Variants in DLGAP2 observed in about 807,000 individuals in gnomAD.
DLGAP2 encodes DLG associated protein 2.
In DLGAP2, 26 loss-of-function variants were observed where a neutral mutation model predicts 100.3. The observed-to-expected ratio is 0.26, with a 90% CI of 0.19 to 0.36. The LOEUF (loss-of-function observed/expected upper bound fraction) is 0.36. Ranked by LOEUF, DLGAP2 falls within the 10% of genes least tolerant of loss-of-function variation. DLGAP2 has a pLI of 1.00. For missense variants in DLGAP2, 1,858 were observed against 1,453.2 expected, an observed-to-expected ratio of 1.28 and a Z score of -4.53; for synonymous variants, 886 against 630.1, an observed-to-expected ratio of 1.41 and a Z score of -6.08.
chr8:918,312 G>A (rs996334242), intron 2 of DLGAP2, among the ~76,000 whole-genome samples: 3 of 152,196 alleles, frequency 2.0e-5, no homozygotes, highest in Non-Finnish European at 4.4e-5. Context: ...GCCAGTCAAG[G>A]CCCCTTAAAA....
At chr8:1,672,136 G>A (rs1053425028) in intron 10 of DLGAP2, among the ~76,000 whole-genome samples, 1 of 152,152 alleles carries the variant, frequency 6.6e-6, no homozygotes, top group Non-Finnish European at 1.5e-5. Flanking sequence ...CGGAGGCCTG[G>A]TCTAACATTC....
At chr8:1,342,129 A>T (rs1312219248) in intron 3 of DLGAP2, among the ~76,000 whole-genome samples, 1 of 151,916 alleles carries the variant, frequency 6.6e-6, no homozygotes, top group Admixed American at 6.6e-5. Flanking sequence ...TTTTCTGTAC[A>T]GATGGGGTTT....
intron 4 of DLGAP2, among the ~76,000 whole-genome samples, chr8:1,501,909 TC>T (rs1254214572): frequency 7.2e-5 from 11 of 152,144 alleles, no homozygotes; most frequent in Non-Finnish European, 1.6e-4. Context: ...CGACACACTT[TC>T]CCCGATGCTG....
At position 1,098,088 on chromosome 8, in the gene DLGAP2, C is replaced by G. The variant is rs144169582; in HGVS notation, c.74-160763C>G. Among the ~76,000 whole-genome samples the G allele has an allele frequency of 2.3e-3, 355 of 152,388 alleles. 2 individuals carry two copies. The highest frequency in any genetic ancestry group is 8.0e-3 in the African/African-American group (333 of 41,596). On this transcript the variant is annotated intron_variant, in intron 2 of 14. Coordinates refer to ENST00000637795, the MANE Select transcript of DLGAP2 (RefSeq NM_001346810.2). The stretch of plus-strand genomic sequence containing the variant: ...AACTGCCGTGAGTTATATTTCCTTG[C>G]AACGCAATTCTGCTCTCAGCAAACG...
intron 2 of DLGAP2, among the ~76,000 whole-genome samples, chr8:1,203,168 T>G (rs928501546): frequency 3.3e-5 from 5 of 152,188 alleles, no homozygotes; most frequent in African/African-American, 9.6e-5. Context: ...GTTATTCCTA[T>G]TAACACGATG....
intron 3 of DLGAP2, among the ~76,000 whole-genome samples, chr8:1,457,380 C>CT (rs1302880849): frequency 2.0e-5 from 3 of 152,154 alleles, no homozygotes; most frequent in Admixed American, 6.5e-5. Context: ...AAATGAAACT[C>CT]TGAGTTTTCC....
intron 2 of DLGAP2, among the ~76,000 whole-genome samples, chr8:1,046,212 A>G (rs1219924244): frequency 6.6e-6 from 1 of 152,132 alleles, no homozygotes; most frequent in East Asian, 1.9e-4. Context: ...TACTGCCTTC[A>G]TTTTTGTTCT....
At chr8:1,577,286 G>A (rs548806195) in intron 6 of DLGAP2, among the ~76,000 whole-genome samples, 1 of 152,130 alleles carries the variant, frequency 6.6e-6, no homozygotes, top group African/African-American at 2.4e-5. Context: ...ATTTTTTAAG[G>A]GGCTGGGCGC....
chr8:1,527,564 G>C (rs114341764), intron 4 of DLGAP2, among the ~76,000 whole-genome samples: 1 of 152,252 alleles, frequency 6.6e-6, no homozygotes, highest in South Asian at 2.1e-4. Flanking sequence ...GTAAATTCCA[G>C]TGCATTTCTG....
chr8:1,580,604 A>T (rs1234573512), intron 6 of DLGAP2, among the ~76,000 whole-genome samples: 1 of 152,230 alleles, frequency 6.6e-6, no homozygotes, highest in Non-Finnish European at 1.5e-5. Flanking sequence ...TTAGAAAGAT[A>T]GATCACATCA....
chr8:1,700,229 A>C lies in DLGAP2; in HGVS notation c.2950-959A>C, dbSNP rs557782432. Among the ~76,000 whole-genome samples the C allele has an allele frequency of 2.0e-5, 3 of 152,330 alleles. No individual in the cohort carries two copies. In the South Asian group the frequency reaches 6.2e-4, roughly 32 times the overall value. On this transcript the variant is annotated intron_variant, in intron 14 of 14. Transcript: ENST00000637795. The stretch of plus-strand genomic sequence containing the variant: ...TGGAATTTTTCAGAGGCTGAAGAGA[A>C]AAAGACATGAGTGGAGTTTTCCTGT...
chr8:1,180,699 AGTGTGT>A (rs757515641), intron 2 of DLGAP2, among the ~76,000 whole-genome samples: 8 of 150,300 alleles, frequency 5.3e-5, no homozygotes, highest in Non-Finnish European at 8.9e-5. Flanking sequence ...ATTACCGTCG[AGTGTGT>A]GTGGGTGTGC....
At chr8:1,563,371 G>A (rs182715550) in intron 5 of DLGAP2, among the ~76,000 whole-genome samples, 1 of 36,874 alleles carries the variant, frequency 2.7e-5, no homozygotes, top group African/African-American at 1.0e-4. Flanking sequence ...TTACTGGGGG[G>A]CTGTGTGGTG....
chr8:1,318,598 C>G (rs1041134614), intron 3 of DLGAP2, among the ~76,000 whole-genome samples: 1 of 151,620 alleles, frequency 6.6e-6, no homozygotes, highest in African/African-American at 2.4e-5. Flanking sequence ...GGAACAGATT[C>G]CCCCGCCGAT....
chr8:1,151,346 C>CA (rs1213949291), intron 2 of DLGAP2, among the ~76,000 whole-genome samples: 2 of 152,152 alleles, frequency 1.3e-5, no homozygotes, highest in Non-Finnish European at 2.9e-5. Context: ...GTGAAAAACT[C>CA]AGAGGAGCAG....
intron 1 of DLGAP2, among the ~76,000 whole-genome samples, chr8:872,545 T>C (rs886557593): frequency 1.3e-5 from 2 of 152,104 alleles, no homozygotes; most frequent in South Asian, 4.1e-4. Context: ...TTGGCCAGGC[T>C]GGTCTCAAAC....
At chr8:1,153,644 C>T (rs937396616) in intron 2 of DLGAP2, among the ~76,000 whole-genome samples, 4 of 152,118 alleles carry the variant, frequency 2.6e-5, no homozygotes, top group South Asian at 2.1e-4. Flanking sequence ...TTTTCACAGG[C>T]GTATCAGAAT....
At position 1,384,268 on chromosome 8, in the gene DLGAP2, G is replaced by T. The variant is rs562161070; in HGVS notation, c.107-117098G>T. ...AAAAAGCAAGAATTGTGACTGCACA[G>T]TCGCTGCACTCTCCTCTGCCGTGGC... On this transcript the variant is annotated intron_variant, in intron 3 of 14. Coordinates refer to ENST00000637795, the MANE Select transcript of DLGAP2 (RefSeq NM_001346810.2). Among the ~76,000 whole-genome samples, 6 of 152,374 alleles carry T rather than the reference G, an allele frequency of 3.9e-5. No individual in the cohort carries two copies. In the South Asian group the frequency reaches 1.2e-3, roughly 32 times the overall value.
intron 1 of DLGAP2, among the ~76,000 whole-genome samples, chr8:778,126 A>G (rs1349707399): frequency 2.6e-5 from 4 of 151,874 alleles, no homozygotes; most frequent in African/African-American, 9.7e-5. Flanking sequence ...CCTTTCTTCC[A>G]GTTGATCGCA....
Sources: allele counts gnomAD v4.1 joint callset (sites outside exome capture counted in the v4.1 genomes callset), GRCh38; gene constraint gnomAD v4.1.1; transcripts MANE v1.5; gene names NCBI Gene and HGNC (gene_info 2026-07-23, HGNC 2026-07-21).